The following PCDHGA4 variants were observed in gnomAD, a reference collection of about 807,000 sequenced individuals.
PCDHGA4 encodes protocadherin gamma subfamily A, 4, also known as protocadherin gamma-A4.
In PCDHGA4, 38 loss-of-function variants were observed where a neutral mutation model predicts 54.6. The ratio of observed to expected loss-of-function variants is 0.70; its 90% CI spans 0.54 to 0.91. PCDHGA4 has a LOEUF of 0.91. PCDHGA4 is among the 40% of genes least tolerant of loss of function. PCDHGA4 has a pLI of 0.00. For synonymous variants in PCDHGA4, 511 were observed against 512.9 expected, an observed-to-expected ratio of 1.00 and a Z score of 0.05; for missense variants, 1,298 against 1,220.9, an observed-to-expected ratio of 1.06 and a Z score of -0.94.
At chr5:141,373,933 A>G (rs1769964265) in intron 1 of PCDHGA4, 3 of 692,378 alleles carry the variant, frequency 4.3e-6, no homozygotes, top group South Asian at 3.7e-5. Context: ...ACGGGAAAGC[A>G]GGAAAGCTGT....
chr5:141,431,239 G>A lies in PCDHGA4; in HGVS notation c.2515-63568G>A. 6.2e-7 allele frequency: 1 copy of A among 1,614,152 alleles called. No homozygotes were observed. The highest frequency in any genetic ancestry group is 1.3e-5 in the African/African-American group (1 of 75,062). On this transcript the variant is annotated intron_variant, in intron 1 of 3. Transcript: ENST00000571252. This position sits in a 1 kb window ranked among gnomAD's most constrained non-coding sequence, Gnocchi z 4.8. ...TCCCTCTACCCCACGCCTGGGATCC[G>A]GATATCGGGAAGAACTCTCTGCAGA...
At chr5:141,403,652 G>C in intron 1 of PCDHGA4, 1 of 1,613,908 alleles carries the variant, frequency 6.2e-7, no homozygotes, top group South Asian at 1.1e-5. Context: ...GACAGTGTTG[G>C]ATACAAATGA....
chr5:141,419,967 TTCTC>T (rs1324855239), intron 1 of PCDHGA4: 2 of 1,614,086 alleles, frequency 1.2e-6, no homozygotes, highest in Admixed American at 3.3e-5. Context: ...TCTGTGCTCT[TTCTC>T]CTCGCGGTGA....
chr5:141,359,502 A>G (rs780869952), intron 1 of PCDHGA4, among the ~76,000 whole-genome samples: 11 of 151,356 alleles, frequency 7.3e-5, no homozygotes, highest in Middle Eastern at 3.4e-3. Flanking sequence ...GGACTACTAG[A>G]TAACTATATT....
rs915257485 is a variant in PCDHGA4, at chr5:141,476,018, A to T, written c.2515-18789A>T. ...AACGGCATCCAGAAAGCCATGTCGG[A>T]CTCGGCGCCCAGCGCCCAAGCGCTA... On this transcript the variant is annotated intron_variant, in intron 1 of 3. Transcript: ENST00000571252. This position sits in a 1 kb window ranked among gnomAD's most constrained non-coding sequence, Gnocchi z 7.6. The T allele has an allele frequency of 5.8e-6, 8 of 1,371,412 alleles. No homozygotes were observed. Among genetic ancestry groups the T allele is most frequent in the Non-Finnish European group, 7.9e-6 (8 of 1,016,908 alleles). The allele number at this position is 1,371,412 out of a possible 1,614,324, so 85.0% of individuals were successfully genotyped here.
intron 1 of PCDHGA4, chr5:141,403,578 A>G: frequency 6.2e-7 from 1 of 1,613,850 alleles, no homozygotes. Context: ...ACTGCCCACC[A>G]CCTGGTCCTC....
chr5:141,362,601 A>T, intron 1 of PCDHGA4: 6 of 1,575,186 alleles, frequency 3.8e-6, no homozygotes, highest in Non-Finnish European at 5.2e-6. Flanking sequence ...TTATTGTTTC[A>T]CCTAATTTGG....
intron 1 of PCDHGA4, among the ~76,000 whole-genome samples, chr5:141,481,241 A>C (rs557107835): frequency 2.0e-5 from 3 of 152,350 alleles, no homozygotes; most frequent in South Asian, 2.1e-4. Flanking sequence ...AGTATTACAT[A>C]GCATAGCTCT....
intron 1 of PCDHGA4, among the ~76,000 whole-genome samples, chr5:141,433,399 CTA>C (rs1491097109): frequency 1.1e-4 from 17 of 150,894 alleles, no homozygotes; most frequent in African/African-American, 4.1e-4. Context: ...ATCTATCTAT[CTA>C]TCTATTACTT....
At chr5:141,386,979 T>C (rs2090768348) in intron 1 of PCDHGA4, among the ~76,000 whole-genome samples, 1 of 152,202 alleles carries the variant, frequency 6.6e-6, no homozygotes, top group South Asian at 2.1e-4. Flanking sequence ...ACTTTGTGTT[T>C]TGAGGCTATG....
At chr5:141,384,379 G>A (rs1780024386) in intron 1 of PCDHGA4, 2 of 1,613,934 alleles carry the variant, frequency 1.2e-6, no homozygotes, top group Non-Finnish European at 8.5e-7. Context: ...CTTGGCCGAA[G>A]ACACCATCCA....
At chr5:141,413,109 A>G in intron 1 of PCDHGA4, 2 of 1,498,490 alleles carry the variant, frequency 1.3e-6, no homozygotes, top group African/African-American at 1.4e-5. Flanking sequence ...ACAGAAAGAC[A>G]AAGGAACCGG....
At chr5:141,472,778 G>T (rs1244170163) in intron 1 of PCDHGA4, among the ~76,000 whole-genome samples, 1 of 151,878 alleles carries the variant, frequency 6.6e-6, no homozygotes, top group Non-Finnish European at 1.5e-5. Flanking sequence ...CTGAGGTTGG[G>T]AGTTCAAGAT....
intron 2 of PCDHGA4, among the ~76,000 whole-genome samples, chr5:141,502,067 CCTTCACCTGGGG>C (rs1307097799): frequency 6.6e-6 from 1 of 152,172 alleles, no homozygotes; most frequent in Non-Finnish European, 1.5e-5. Flanking sequence ...CCATTAGCCC[CCTTCACCTGGGG>C]CTGAGAACAC....
chr5:141,491,047 G>A lies in PCDHGA4; in HGVS notation c.2515-3760G>A, dbSNP rs751761240. On this transcript the variant is annotated intron_variant, in intron 1 of 3. Coordinates refer to ENST00000571252, the MANE Select transcript of PCDHGA4 (RefSeq NM_018917.4). The surrounding 1 kb of genome is among the most constrained non-coding windows in gnomAD (Gnocchi z 6.9). Reference sequence around the variant, plus strand: ...CGTGGATGCTGATGCAGGCCACAATGCGTGGCTCTCCTACTCACTGTTGCC... The same window carrying A: ...CGTGGATGCTGATGCAGGCCACAATACGTGGCTCTCCTACTCACTGTTGCC... 4 of 1,614,054 alleles carry A rather than the reference G, an allele frequency of 2.5e-6. No homozygotes were observed. Among genetic ancestry groups the A allele is most frequent in the Non-Finnish European group, 3.4e-6 (4 of 1,180,034 alleles).
intron 1 of PCDHGA4, chr5:141,362,561 GC>G (rs753422922): frequency 2.5e-6 from 4 of 1,608,504 alleles, no homozygotes; most frequent in Non-Finnish European, 3.4e-6. Flanking sequence ...TTGAAGGTGA[GC>G]TTTAATTAAT....
intron 1 of PCDHGA4, among the ~76,000 whole-genome samples, chr5:141,447,787 T>C (rs1025269338): frequency 1.3e-5 from 2 of 152,106 alleles, no homozygotes; most frequent in Non-Finnish European, 2.9e-5. Context: ...TGAAAATAAA[T>C]TTAAGAAAAT....
At position 141,490,909 on chromosome 5, in the gene PCDHGA4, G is replaced by A. The variant is rs1170664693; in HGVS notation, c.2515-3898G>A. On this transcript the variant is annotated intron_variant, in intron 1 of 3. Coordinates refer to ENST00000571252, the MANE Select transcript of PCDHGA4 (RefSeq NM_018917.4). The surrounding 1 kb of genome is among the most constrained non-coding windows in gnomAD (Gnocchi z 5.4). ...ATCTCTGCATGTGTTTGTCCTAGAC[G>A]AGAATGATAATGCCCCAGCTGTGCT... The A allele has an allele frequency of 1.1e-5, 17 of 1,613,626 alleles. No individual in the cohort carries two copies. Among genetic ancestry groups the A allele is most frequent in the East Asian group, 4.5e-5 (2 of 44,882 alleles).
At chr5:141,505,574 C>T (rs1275802375) in intron 3 of PCDHGA4, 93 bp downstream of exon 3, 13 of 1,593,636 alleles carry the variant, frequency 8.2e-6, no homozygotes, top group Non-Finnish European at 1.1e-5. Context: ...GGATGTCAAA[C>T]CTGTGTAGTT....
Sources: allele counts gnomAD v4.1 joint callset (sites outside exome capture counted in the v4.1 genomes callset), GRCh38; gene constraint gnomAD v4.1.1; non-coding constraint Gnocchi (gnomAD v3.1); transcripts MANE v1.5; gene names NCBI Gene and HGNC (gene_info 2026-07-23, HGNC 2026-07-21).